Variants in SORL1 observed in about 807,000 individuals in gnomAD.
SORL1 encodes sortilin related receptor 1.
In SORL1, 127 loss-of-function variants were observed where a neutral mutation model predicts 273.7. The observed-to-expected ratio is 0.46, with a 90% CI of 0.40 to 0.54. SORL1 has a LOEUF of 0.54. SORL1 is among the 20% of genes least tolerant of loss of function. The pLI is 0.00. For synonymous variants in SORL1, 1,031 were observed against 1,067.4 expected (o/e 0.97, Z 0.66); for missense variants, 2,494 against 2,846.1 (o/e 0.88, Z 2.81).
intron 23 of SORL1, 52 bp downstream of exon 23, chr11:121,570,322 T>TTC: frequency 7.0e-7 from 1 of 1,424,678 alleles, no homozygotes; most frequent in Non-Finnish European, 9.9e-7. Flanking sequence ...AGAAGCCTGG[T>TTC]TGGCTCTTCC....
rs182739199 is a variant in SORL1 at position 121,530,267 on chromosome 11, T to A, written c.1597-2197T>A. Among the ~76,000 whole-genome samples, 39 of 152,370 alleles carry A rather than the reference T, an allele frequency of 2.6e-4. No individual in the cohort carries two copies. In the East Asian group the frequency reaches 6.9e-3, roughly 27 times the overall value. ...GCTCTTCGTTCTGGAAAAATCTCTGTTTACCCATGGGAAATTTCCCTATAG... is the reference window on the plus strand; with the variant it reads ...GCTCTTCGTTCTGGAAAAATCTCTGATTACCCATGGGAAATTTCCCTATAG... On this transcript the variant is annotated intron_variant, in intron 11 of 47. Coordinates refer to ENST00000260197, the MANE Select transcript of SORL1 (RefSeq NM_003105.6).
At chr11:121,530,365 T>A (rs1862185404) in intron 11 of SORL1, among the ~76,000 whole-genome samples, 1 of 152,222 alleles carries the variant, frequency 6.6e-6, no homozygotes, top group African/African-American at 2.4e-5. Flanking sequence ...TTCCCTCTTT[T>A]GAAATTTCTG....
At chr11:121,577,796 T>C (rs1295183131) in intron 25 of SORL1, among the ~76,000 whole-genome samples, 2 of 152,180 alleles carry the variant, frequency 1.3e-5, no homozygotes, top group Non-Finnish European at 2.9e-5. Flanking sequence ...ATGTAAACTG[T>C]GTTTGTACCC....
chr11:121,614,644 G>A (rs1295420745), intron 40 of SORL1: 1 of 460,098 alleles, frequency 2.2e-6, no homozygotes, highest in Admixed American at 4.6e-5. Context: ...ATCCGCGGAT[G>A]GGCAGCTTTA....
At chr11:121,562,701 G>A (rs1862696360) in intron 21 of SORL1, among the ~76,000 whole-genome samples, 1 of 152,184 alleles carries the variant, frequency 6.6e-6, no homozygotes, top group Non-Finnish European at 1.5e-5. Flanking sequence ...ATTTGGATAT[G>A]CCAAAGGGAG....
chr11:121,619,933 T>C lies in SORL1; in HGVS notation c.5889+16T>C. 6.2e-7 allele frequency: 1 copy of C among 1,608,622 alleles called. No homozygotes were observed. The highest frequency in any genetic ancestry group is 8.5e-7 in the Non-Finnish European group (1 of 1,175,920). ...CCAGGACTTGGTGAGTGGGTTGGGC[T>C]TCCAGGCCTCTTTGTTTATTCCTGG... On this transcript the variant is annotated intron_variant, in intron 43 of 47. Coordinates refer to ENST00000260197, the MANE Select transcript of SORL1 (RefSeq NM_003105.6).
chr11:121,550,523 G>A lies in SORL1; in HGVS notation c.2181-62G>A. 1 of 1,418,988 alleles carries A rather than the reference G, an allele frequency of 7.0e-7. No homozygotes were observed. The highest frequency in any genetic ancestry group is 1.7e-5 in the Admixed American group (1 of 59,222). The allele number at this position is 1,418,988 out of a possible 1,614,324, so 87.9% of individuals were successfully genotyped here. A position where few individuals can be genotyped will look rare whatever the true frequency, so the allele number is the denominator to read the frequency against. ...GTGGGTAGTAAGTGTATTCCCAGCT[G>A]GGATGCCTTTGTGGCTATTCTTCCA... On this transcript the variant is annotated intron_variant, in intron 15 of 47. Coordinates refer to ENST00000260197, the MANE Select transcript of SORL1 (RefSeq NM_003105.6). This position sits in a 1 kb window ranked among gnomAD's most constrained non-coding sequence, Gnocchi z 5.3.
chr11:121,559,606 C>G lies in SORL1; in HGVS notation c.2998C>G (p.Gln1000Glu), dbSNP rs778528486. 1.2e-6 allele frequency: 2 copies of G among 1,614,142 alleles called. No homozygotes were observed. Among genetic ancestry groups the G allele is most frequent in the Non-Finnish European group, 8.5e-7 (1 of 1,180,012 alleles). ...GTCCCAGATGGAGATTCTGGCAAAC[C>G]AGCTCACGGGGCTCATGGACATGAA... ...SGSQMEILAN[Q>E]LTGLMDMKIF... The change falls in exon 21 of 48, where the codon CAG becomes GAG. Residue 1000 changes from glutamine to glutamate, a missense_variant. Coordinates refer to ENST00000260197, the MANE Select transcript of SORL1 (RefSeq NM_003105.6).
Position 121,570,259 on chromosome 11 carries a change from A to G in SORL1, c.3326A>G (p.Glu1109Gly), listed in dbSNP as rs760246337. 1 of 1,611,658 alleles carries G rather than the reference A, an allele frequency of 6.2e-7. No individual in the cohort carries two copies. Among genetic ancestry groups the G allele is most frequent in the South Asian group, 1.1e-5 (1 of 91,018 alleles). ...FDNDCGDMSDERNCPTTICDL... is the reference protein window; with the variant it reads ...FDNDCGDMSDGRNCPTTICDL... Reference sequence around the variant, plus strand: ...AACGACTGTGGAGACATGAGCGATGAGAGAAACTGCCGTGAGTCTTCTGGA... The same window carrying G: ...AACGACTGTGGAGACATGAGCGATGGGAGAAACTGCCGTGAGTCTTCTGGA... Residue 1109 changes from glutamate (E) to glycine (G), a missense_variant, in exon 23 of 48, where the codon GAG (glutamate) becomes GGG (glycine). Coordinates refer to ENST00000260197, the MANE Select transcript of SORL1 (RefSeq NM_003105.6).
chr11:121,621,935 T>C (rs779342442), intron 44 of SORL1, among the ~76,000 whole-genome samples: 7 of 152,222 alleles, frequency 4.6e-5, no homozygotes, highest in Non-Finnish European at 7.3e-5. Flanking sequence ...GGCTATTAAG[T>C]ACTGTCCAAA....
chr11:121,561,195 G>A (rs1862666786), intron 21 of SORL1, among the ~76,000 whole-genome samples: 1 of 152,170 alleles, frequency 6.6e-6, no homozygotes, highest in African/African-American at 2.4e-5. Flanking sequence ...TGTTTGATTT[G>A]CACACAGGAG....
intron 32 of SORL1, among the ~76,000 whole-genome samples, chr11:121,602,650 T>C (rs1863411194): frequency 6.6e-6 from 1 of 152,214 alleles, no homozygotes; most frequent in Non-Finnish European, 1.5e-5. Context: ...AGGTGACCCA[T>C]GACCACATGC....
Position 121,452,492 on chromosome 11 carries a change from A to T in SORL1, c.161A>T (p.Asp54Val). 1 of 1,484,848 alleles carries T rather than the reference A, an allele frequency of 6.7e-7. No homozygotes were observed. The highest frequency in any genetic ancestry group is 8.9e-7 in the Non-Finnish European group (1 of 1,119,998). The allele number at this position is 1,484,848 out of a possible 1,614,324, so 92.0% of individuals were successfully genotyped here. ...CGGGGCTTCCTCGTGGTGCAGGGCG[A>T]CCCGCGCGAGCTGCGGCTGTGGGCG... The part of the protein sequence containing the change: ...QDRGFLVVQG[D>V]PRELRLWARG... The change falls in exon 1 of 48, where the codon GAC becomes GTC. Residue 54 changes from aspartate to valine, a missense_variant. By Grantham distance (152) the Asp-to-Val change is radical. Around this residue, in one of 3 missense-constraint regions of SORL1, gnomAD observed 175 missense variants for 147.1 expected, o/e 1.19. Coordinates refer to ENST00000260197, the MANE Select transcript of SORL1 (RefSeq NM_003105.6). The surrounding 1 kb of genome is among the most constrained non-coding windows in gnomAD (Gnocchi z 5.3).
In SORL1 at chr11:121,487,942, G is replaced by A. The variant is rs1022471187; in HGVS notation, c.529-90G>A. The A allele has an allele frequency of 5.1e-6, 7 of 1,385,826 alleles. No homozygotes were observed. In the African/African-American group the frequency reaches 5.7e-5, roughly 11 times the overall value. The allele number at this position is 1,385,826 out of a possible 1,614,324, so 85.8% of individuals were successfully genotyped here. On this transcript the variant is annotated intron_variant, in intron 3 of 47. Transcript: ENST00000260197. ...GGTGCCAGCTGGCCCCTGCACATGT[G>A]TGTACTCGTGTGGACTCGCACATGG... is the stretch of plus-strand genomic sequence containing the variant.
chr11:121,517,058 A>T (rs1861965057), intron 8 of SORL1, among the ~76,000 whole-genome samples: 1 of 152,202 alleles, frequency 6.6e-6, no homozygotes. Context: ...TCTCAAAAAA[A>T]AAAAATTATT....
rs894371682 is a variant in SORL1, at chr11:121,550,565, C to G, written c.2181-20C>G. ...ATTCTTCCATGTTTCTGACCTCTTG[C>G]TCTTGGGGTGGGGTGACAGCTACCG... is the stretch of plus-strand genomic sequence containing the variant. On this transcript the variant is annotated intron_variant, in intron 15 of 47. Coordinates refer to ENST00000260197, the MANE Select transcript of SORL1 (RefSeq NM_003105.6). This position sits in a 1 kb window ranked among gnomAD's most constrained non-coding sequence, Gnocchi z 5.3. 7 of 1,611,854 alleles carry G rather than the reference C, an allele frequency of 4.3e-6. No individual in the cohort carries two copies. The highest frequency in any genetic ancestry group is 5.9e-6 in the Non-Finnish European group (7 of 1,178,120).
intron 3 of SORL1, among the ~76,000 whole-genome samples, chr11:121,482,751 G>A (rs1395317763): frequency 1.3e-5 from 2 of 152,248 alleles, no homozygotes; most frequent in African/African-American, 2.4e-5. Flanking sequence ...TGAAATGGTC[G>A]AAATGAATGT....
At chr11:121,565,341 A>C (rs1862739927) in intron 21 of SORL1, among the ~76,000 whole-genome samples, 1 of 152,222 alleles carries the variant, frequency 6.6e-6, no homozygotes, top group Non-Finnish European at 1.5e-5. Context: ...CCTTGGCATC[A>C]TAATAACGTT....
At position 121,586,699 on chromosome 11, in the gene SORL1, G is replaced by C. The variant is rs1414260137; in HGVS notation, c.3814+370G>C. Among the ~76,000 whole-genome samples, 4 of 10,520 alleles carry C rather than the reference G, an allele frequency of 3.8e-4. 1 individual carries two copies. The highest frequency in any genetic ancestry group is 7.8e-4 in the Non-Finnish European group (2 of 2,568). The allele number at this position is 10,520 out of a possible 152,430, so 6.9% of individuals were successfully genotyped here. A position where few individuals can be genotyped will look rare whatever the true frequency, so the allele number is the denominator to read the frequency against. On this transcript the variant is annotated intron_variant, in intron 27 of 47. Coordinates refer to ENST00000260197, the MANE Select transcript of SORL1 (RefSeq NM_003105.6). ...AGTATCACTGGGGGTAGAGTGGGGG[G>C]GGGGGCGGGGGGGGGGCATTTTTAG... is the stretch of plus-strand genomic sequence containing the variant.
Sources: gnomAD v4.1 joint callset for allele counts (sites outside exome capture counted in the v4.1 genomes callset) on GRCh38, gnomAD v4.1.1 for gene constraint, gnomAD v4.1.1 regional missense constraint, Gnocchi (gnomAD v3.1) non-coding constraint, MANE v1.5 for transcripts, NCBI Gene and HGNC (gene_info 2026-07-23, HGNC 2026-07-21) for gene names.